BRAP: variants seen among roughly 807,000 people sequenced by gnomAD.
BRAP encodes BRCA1-associated protein.
BRAP carries 42 observed loss-of-function variants against 73.4 expected under a neutral mutation model. That is an observed-to-expected ratio of 0.57 (90% CI 0.45 to 0.74). The LOEUF (loss-of-function observed/expected upper bound fraction) is 0.74, where lower values mean the gene tolerates loss of function less well. Among genes scored for constraint, BRAP ranks in the 30% least tolerant of loss-of-function variants. The pLI is 0.00. For missense variants in BRAP, 593 were observed against 751.4 expected, an observed-to-expected ratio of 0.79 and a Z score of 2.46; for synonymous variants, 255 against 267.4, an observed-to-expected ratio of 0.95 and a Z score of 0.45.
At chr12:111,685,531 G>A (rs1285341627) in intron 1 of BRAP, 180 bp downstream of exon 1, 8 of 1,316,212 alleles carry the variant, frequency 6.1e-6, no homozygotes, top group Non-Finnish European at 7.8e-6. Flanking sequence ...GCTTCCCTGA[G>A]ATAACAAACG....
intron 10 of BRAP, among the ~76,000 whole-genome samples, chr12:111,653,416 C>G (rs1040522077): frequency 6.6e-6 from 1 of 152,116 alleles, no homozygotes; most frequent in Admixed American, 6.5e-5. Context: ...GCTAGACATC[C>G]ACAAGAAAAG....
chr12:111,682,269 C>T (rs1887629385), intron 2 of BRAP, among the ~76,000 whole-genome samples: 1 of 151,902 alleles, frequency 6.6e-6, no homozygotes, highest in African/African-American at 2.4e-5. Flanking sequence ...TGCCTGTAAT[C>T]CCAGCACTTT....
intron 5 of BRAP, chr12:111,669,896 C>T (rs1157660917): frequency 3.3e-5 from 21 of 645,862 alleles, no homozygotes; most frequent in South Asian, 1.4e-4. Context: ...TTTTATATTT[C>T]GCTCCCATAG....
At chr12:111,654,658 G>C (rs184354242) in intron 10 of BRAP, among the ~76,000 whole-genome samples, 4 of 152,134 alleles carry the variant, frequency 2.6e-5, no homozygotes, top group African/African-American at 9.7e-5. Context: ...CCTTGATTTT[G>C]CCCACTTACG....
At position 111,660,345 on chromosome 12, in the gene BRAP, GA is replaced by G. The variant is rs907357907; in HGVS notation, c.972+254del. Reference sequence around the variant, plus strand: ...TGTCTTGCCCAACCCTAGACAAAAAGAAAAAAAATTTTAAAGAATTTAGGCT... The same window carrying G: ...TGTCTTGCCCAACCCTAGACAAAAAGAAAAAAATTTTAAAGAATTTAGGCT... On this transcript the variant is annotated intron_variant, in intron 7 of 11. Coordinates refer to ENST00000419234, the MANE Select transcript of BRAP (RefSeq NM_006768.5). Among the ~76,000 whole-genome samples the G allele has an allele frequency of 2.0e-4, 30 of 151,722 alleles. 1 individual carries two copies. The highest frequency in any genetic ancestry group is 6.5e-4 in the African/African-American group (27 of 41,424).
Position 111,643,909 on chromosome 12 carries a change from A to G in BRAP, c.*290T>C, listed in dbSNP as rs1885995102. ...GCCAACTCCATAAATACAATGGAAA[A>G]ATGCACAGCAGAGTTGGGGCTTCTA... On this transcript the variant is annotated 3_prime_UTR_variant, in exon 12 of 12. Transcript: ENST00000419234. 1.1e-5 allele frequency: 4 copies of G among 375,172 alleles called. No homozygotes were observed. The highest frequency in any genetic ancestry group is 1.9e-5 in the Non-Finnish European group (4 of 207,462). 23.2% of individuals were successfully genotyped at this position (375,172 alleles called of 1,614,324 possible). A position where few individuals can be genotyped will look rare whatever the true frequency, so the allele number is the denominator to read the frequency against.
intron 9 of BRAP, among the ~76,000 whole-genome samples, chr12:111,656,229 AAC>A (rs1376377966): frequency 6.6e-6 from 1 of 152,242 alleles, no homozygotes; most frequent in East Asian, 1.9e-4. Flanking sequence ...TGAATGAATG[AAC>A]AGTGCTGTGT....
At chr12:111,654,456 CAGG>C (rs1555251419) in intron 10 of BRAP, among the ~76,000 whole-genome samples, 2 of 152,066 alleles carry the variant, frequency 1.3e-5, no homozygotes, top group Non-Finnish European at 2.9e-5. Context: ...GCTGGGATTA[CAGG>C]CGCCTGCCAC....
intron 10 of BRAP, 62 bp downstream of exon 10, chr12:111,655,504 C>G: frequency 1.5e-6 from 2 of 1,328,544 alleles, no homozygotes; most frequent in Non-Finnish European, 1.1e-6. Context: ...GCCTTCCACA[C>G]CCCCCATCAG....
chr12:111,669,514 C>T (rs138688819), intron 5 of BRAP, among the ~76,000 whole-genome samples: 7,022 of 152,204 alleles, frequency 0.046, 230 homozygotes, highest in Non-Finnish European at 0.065. Context: ...GTGTGAGCCA[C>T]CATGCCCGGC....
intron 6 of BRAP, among the ~76,000 whole-genome samples, chr12:111,663,401 C>T (rs774723177): frequency 1.6e-4 from 24 of 152,014 alleles, no homozygotes; most frequent in Non-Finnish European, 3.2e-4. Context: ...TGCAGTGAGC[C>T]GAGATCACGC....
chr12:111,658,490 T>C (rs1330489176), intron 9 of BRAP, among the ~76,000 whole-genome samples: 1 of 151,982 alleles, frequency 6.6e-6, no homozygotes, highest in African/African-American at 2.4e-5. Context: ...CATGCCCAGC[T>C]AATTTTTTGC....
At chr12:111,678,686 ATTTT>A (rs748418829) in intron 4 of BRAP, among the ~76,000 whole-genome samples, 1 of 125,970 alleles carries the variant, frequency 7.9e-6, no homozygotes, top group African/African-American at 3.0e-5. Flanking sequence ...AACACACTAG[ATTTT>A]TTTTTTTTTT....
intron 2 of BRAP, among the ~76,000 whole-genome samples, chr12:111,682,860 C>T (rs955573625): frequency 5.3e-5 from 8 of 151,914 alleles, no homozygotes; most frequent in African/African-American, 1.2e-4. Flanking sequence ...TGTAATGACC[C>T]GACATTGCAC....
chr12:111,671,782 C>A (rs756591864), intron 5 of BRAP, among the ~76,000 whole-genome samples: 2 of 150,756 alleles, frequency 1.3e-5, no homozygotes, highest in African/African-American at 4.9e-5. Context: ...CCTCCCCCGA[C>A]TCAGGTGATC....
At chr12:111,674,246 C>T (rs533727882) in intron 4 of BRAP, among the ~76,000 whole-genome samples, 2 of 152,088 alleles carry the variant, frequency 1.3e-5, no homozygotes, top group South Asian at 4.1e-4. Context: ...TGCTTCCCCC[C>T]CACCTTTTTT....
chr12:111,672,623 A>C (rs191928130), intron 5 of BRAP, 38 bp downstream of exon 5: 2 of 1,531,544 alleles, frequency 1.3e-6, no homozygotes. Context: ...CACCAATCTG[A>C]TATATTTTAA....
chr12:111,682,675 G>GC (rs1166594306), intron 2 of BRAP, among the ~76,000 whole-genome samples: 1 of 152,064 alleles, frequency 6.6e-6, no homozygotes, highest in East Asian at 1.9e-4. Context: ...ACTTTGGGAG[G>GC]CCGAGGCAGG....
At position 111,660,588 on chromosome 12, in the gene BRAP, C is replaced by T. The variant is rs755618515; in HGVS notation, c.972+12G>A. On this transcript the variant is annotated intron_variant, in intron 7 of 11. Transcript: ENST00000419234. Reference sequence around the variant, plus strand: ...CTGCATTCTTTGTTCTTTTCCATCACCCATTACTTACTTCCTGAACACCAC... The same window carrying T: ...CTGCATTCTTTGTTCTTTTCCATCATCCATTACTTACTTCCTGAACACCAC... 2.5e-6 allele frequency: 4 copies of T among 1,596,080 alleles called. No individual in the cohort carries two copies. The highest frequency in any genetic ancestry group is 1.1e-5 in the South Asian group (1 of 87,890).
Sources: allele counts gnomAD v4.1 joint callset (sites outside exome capture counted in the v4.1 genomes callset), GRCh38; gene constraint gnomAD v4.1.1; transcripts MANE v1.5; gene names NCBI Gene and HGNC (gene_info 2026-07-23, HGNC 2026-07-21).